CCER2: variants seen among roughly 807,000 people sequenced by gnomAD.
CCER2 encodes the protein coiled-coil domain-containing glutamate-rich protein 2.
Under a neutral mutation model 27.1 loss-of-function variants are expected in CCER2, and 20 were observed. That is an observed-to-expected ratio of 0.74 (90% CI 0.52 to 1.07). The LOEUF (loss-of-function observed/expected upper bound fraction) is 1.07, where lower values mean the gene tolerates loss of function less well. Among genes scored for constraint, CCER2 ranks in the 50% least tolerant of loss-of-function variants. The probability of loss-of-function intolerance (pLI) is 0.00; values close to 1 mark genes in which losing one functional copy is unlikely to be tolerated. For missense variants in CCER2, 351 were observed against 344.7 expected (o/e 1.02, Z -0.14); for synonymous variants, 140 against 144.3 (o/e 0.97, Z 0.21).
chr19:38,910,483 C>T (rs1464985195), intron 4 of CCER2, 80 bp downstream of exon 4: 1 of 1,422,378 alleles, frequency 7.0e-7, no homozygotes, highest in South Asian at 1.5e-5. Context: ...ACACCGGTGG[C>T]TGTGAGTTGT....
intron 3 of CCER2, among the ~76,000 whole-genome samples, chr19:38,911,360 A>G (rs754672799): frequency 2.6e-5 from 4 of 152,152 alleles, no homozygotes; most frequent in African/African-American, 4.8e-5. Flanking sequence ...GGGAACCACA[A>G]GGGTGTTGCT....
In CCER2 at chr19:38,909,209, A is replaced by G. The variant is rs1267989272; in HGVS notation, c.*27T>C. The stretch of plus-strand genomic sequence containing the variant: ...ACAGTCCTAAGCCACAGGGTGTGTC[A>G]GGAGGAAGGAGGGACTGAGGTAGGG... On this transcript the variant is annotated 3_prime_UTR_variant, in exon 5 of 5. Transcript: ENST00000571838. 1 of 1,532,850 alleles carries G rather than the reference A, an allele frequency of 6.5e-7. No homozygotes were observed. The highest frequency in any genetic ancestry group is 2.4e-5 in the East Asian group (1 of 40,888). 95.0% of individuals were successfully genotyped at this position (1,532,850 alleles called of 1,614,324 possible).
Position 38,910,698 on chromosome 19 carries a change from G to A in CCER2, c.576C>T (p.Gly192=), listed in dbSNP as rs1011640929. ...QAEEKGVRVL[G]GDRSLWQGAE... ...CCCCCTGCCACAGGCTGCGGTCCCC[G>A]CCCAGCACCCGCACCCCCTTCTCCT... The change falls in exon 4 of 5, where the codon GGC becomes GGT. Residue 192 remains glycine, a synonymous_variant. Coordinates refer to ENST00000571838, the MANE Select transcript of CCER2 (RefSeq NM_001243212.2). The A allele has an allele frequency of 1.5e-5, 23 of 1,532,816 alleles. No individual in the cohort carries two copies. The highest frequency in any genetic ancestry group is 3.6e-5 in the South Asian group (3 of 83,612). The allele number at this position is 1,532,816 out of a possible 1,614,324, so 95.0% of individuals were successfully genotyped here.
At position 38,912,082 on chromosome 19, in the gene CCER2, C is replaced by T. The variant is rs1348531429; in HGVS notation, c.61+16G>A. 6.6e-7 allele frequency: 1 copy of T among 1,525,408 alleles called. No homozygotes were observed. The highest frequency in any genetic ancestry group is 2.0e-5 in the Admixed American group (1 of 49,640). 94.5% of individuals were successfully genotyped at this position (1,525,408 alleles called of 1,614,324 possible). On this transcript the variant is annotated intron_variant, in intron 1 of 4. Coordinates refer to ENST00000571838, the MANE Select transcript of CCER2 (RefSeq NM_001243212.2). ...GGCCCCTGGCAGGTCCCGCACTCGG[C>T]AGGTCCCGCACTCACCCGCCCCCAG... is the stretch of plus-strand genomic sequence containing the variant.
intron 4 of CCER2, among the ~76,000 whole-genome samples, chr19:38,909,981 C>T (rs907985455): frequency 1.3e-5 from 2 of 151,930 alleles, no homozygotes; most frequent in Non-Finnish European, 2.9e-5. Context: ...CAAGCAATCC[C>T]ACCACCTCAG....
At position 38,909,180 on chromosome 19, in the gene CCER2, GTCAA is replaced by G. The variant is rs1386472454; in HGVS notation, c.*52_*55del. The G allele has an allele frequency of 6.7e-7, 1 of 1,498,502 alleles. No homozygotes were observed. Among genetic ancestry groups the G allele is most frequent in the East Asian group, 2.5e-5 (1 of 40,632 alleles). The allele number at this position is 1,498,502 out of a possible 1,614,324, so 92.8% of individuals were successfully genotyped here. A position where few individuals can be genotyped will look rare whatever the true frequency, so the allele number is the denominator to read the frequency against. ...TGCTAGGTGAGGTGGAGGCTTCGGG[GTCAA>G]CAGTCCTAAGCCACAGGGTGTGTCA... On this transcript the variant is annotated 3_prime_UTR_variant, in exon 5 of 5. Transcript: ENST00000571838.
rs990697919 is a variant in CCER2, at chr19:38,911,515, G to A, written c.190+51C>T. ...TGGGCAGGACCCTGGGTGGGGTAGGGTAGGGTCCCATGGGGTTGTGGAGGG... is the reference window on the plus strand; with the variant it reads ...TGGGCAGGACCCTGGGTGGGGTAGGATAGGGTCCCATGGGGTTGTGGAGGG... On this transcript the variant is annotated intron_variant, in intron 3 of 4. Transcript: ENST00000571838. 51 of 1,465,016 alleles carry A rather than the reference G, an allele frequency of 3.5e-5. 1 individual carries two copies. In the Middle Eastern group the frequency reaches 1.2e-3, roughly 35 times the overall value. The allele number at this position is 1,465,016 out of a possible 1,614,324, so 90.8% of individuals were successfully genotyped here.
At position 38,911,864 on chromosome 19, in the gene CCER2, G is replaced by C. The variant is rs1471073710; in HGVS notation, c.62-12C>G. 6.5e-6 allele frequency: 10 copies of C among 1,534,730 alleles called. No individual in the cohort carries two copies. The highest frequency in any genetic ancestry group is 8.7e-6 in the Non-Finnish European group (10 of 1,146,646). ...GGGAGCAGCGGTGGCTGTGGAGAAA[G>C]GAGATGGCACTGGGCTTTGCCGCCC... On this transcript the variant is annotated splice_polypyrimidine_tract_variant and intron_variant, in intron 1 of 4. Transcript: ENST00000571838.
At chr19:38,910,362 C>G (rs990329619) in intron 4 of CCER2, among the ~76,000 whole-genome samples, 2 of 152,190 alleles carry the variant, frequency 1.3e-5, no homozygotes, top group African/African-American at 4.8e-5. Context: ...GTAGTCCATA[C>G]AGTAGTGTGG....
intron 4 of CCER2, among the ~76,000 whole-genome samples, chr19:38,909,604 G>A (rs1389584761): frequency 1.3e-5 from 2 of 152,106 alleles, no homozygotes; most frequent in East Asian, 1.9e-4. Context: ...ATGGAGTCTC[G>A]CTCTGTCACC....
At chr19:38,911,266 G>T (rs866617199) in intron 3 of CCER2, among the ~76,000 whole-genome samples, 183 bp from the exon 4 acceptor site, 2 of 152,238 alleles carry the variant, frequency 1.3e-5, no homozygotes, top group Non-Finnish European at 2.9e-5. Context: ...GGTCTCACAG[G>T]GGGGCTGCCC....
At chr19:38,909,641 C>T (rs544046148) in intron 4 of CCER2, among the ~76,000 whole-genome samples, 2 of 152,184 alleles carry the variant, frequency 1.3e-5, no homozygotes, top group East Asian at 1.9e-4. Flanking sequence ...GGCACGATCT[C>T]GGCTCACTGT....
At chr19:38,909,850 AG>A (rs1974268038) in intron 4 of CCER2, among the ~76,000 whole-genome samples, 1 of 149,670 alleles carries the variant, frequency 6.7e-6, no homozygotes, top group African/African-American at 2.5e-5. Flanking sequence ...CTGGGATTAC[AG>A]GCACGAACCA....
chr19:38,911,666 G>C lies in CCER2; in HGVS notation c.103-13C>G, dbSNP rs1255173158. 4 of 1,535,360 alleles carry C rather than the reference G, an allele frequency of 2.6e-6. No individual in the cohort carries two copies. The African/African-American group carries it at 5.5e-5, about 21-fold the overall frequency. On this transcript the variant is annotated splice_polypyrimidine_tract_variant and intron_variant, in intron 2 of 4. Transcript: ENST00000571838. The stretch of plus-strand genomic sequence containing the variant: ...GACAGCGGGTCAGCTGGGGGGCAGG[G>C]GTGCCGGGTCAGAGGGGAGGTTGAG...
At position 38,910,705 on chromosome 19, in the gene CCER2, A is replaced by G; in HGVS notation, c.569T>C (p.Val190Ala). 6.5e-7 allele frequency: 1 copy of G among 1,532,314 alleles called. No individual in the cohort carries two copies. Among genetic ancestry groups the G allele is most frequent in the South Asian group, 1.2e-5 (1 of 83,596 alleles). The allele number at this position is 1,532,314 out of a possible 1,614,324, so 94.9% of individuals were successfully genotyped here. A position where few individuals can be genotyped will look rare whatever the true frequency, so the allele number is the denominator to read the frequency against. Residue 190 changes from valine (V) to alanine (A), a missense_variant, in exon 4 of 5, where the codon GTG becomes GCG. Physicochemically the swap from Val to Ala is moderately conservative, Grantham distance 64 (BLOSUM62 0). Transcript: ENST00000571838. ...QFQAEEKGVR[V>A]LGGDRSLWQG... ...CCACAGGCTGCGGTCCCCGCCCAGC[A>G]CCCGCACCCCCTTCTCCTCTGCCTG...
rs76594356 is a variant in CCER2, at chr19:38,911,045, C to T, written c.229G>A (p.Glu77Lys). 1,380 of 1,466,360 alleles carry T rather than the reference C, an allele frequency of 9.4e-4. 12 individuals are homozygous for T. The African/African-American group carries it at 0.017, about 18-fold the overall frequency. The allele number at this position is 1,466,360 out of a possible 1,614,324, so 90.8% of individuals were successfully genotyped here. ...TCCCCAAGCAGCAGGCCTTTCTCCT[C>T]GGTGGACGCACAGCCGTGGGGCTCT... Reference protein sequence around the residue: ...GTEPHGCASTEEKGLLLGDFK... With the variant: ...GTEPHGCASTKEKGLLLGDFK... Residue 77 changes from glutamate to lysine, a missense_variant, in exon 4 of 5, where the codon GAG (glutamate) becomes AAG (lysine). Physicochemically the swap from Glu to Lys is moderately conservative, Grantham distance 56. Coordinates refer to ENST00000571838, the MANE Select transcript of CCER2 (RefSeq NM_001243212.2).
In CCER2 at chr19:38,911,083, T is replaced by C; in HGVS notation, c.191A>G (p.Glu64Gly). The C allele has an allele frequency of 2.8e-6, 4 of 1,416,686 alleles. No homozygotes were observed. The highest frequency in any genetic ancestry group is 3.7e-6 in the Non-Finnish European group (4 of 1,089,062). 87.8% of individuals were successfully genotyped at this position (1,416,686 alleles called of 1,614,324 possible). ...RGPCTALLHK[E>G]LCGTEPHGCA... ...GCCGTGGGGCTCTGTCCCGCACAAC[T>C]CTGGCAGAAAGGGAAAGGACACTCT... Residue 64 changes from glutamate to glycine, a missense_variant and splice_region_variant, in exon 4 of 5, where the codon GAG (glutamate) becomes GGG (glycine). Coordinates refer to ENST00000571838, the MANE Select transcript of CCER2 (RefSeq NM_001243212.2).
intron 1 of CCER2, 34 bp downstream of exon 1, chr19:38,912,064 G>A: frequency 6.6e-7 from 1 of 1,523,260 alleles, no homozygotes; most frequent in Non-Finnish European, 8.8e-7. Context: ...CCCGGCCCCT[G>A]GCAGGTCCCG....
At chr19:38,911,927 C>A in intron 1 of CCER2, 75 bp from the exon 2 acceptor site, 1 of 1,515,494 alleles carries the variant, frequency 6.6e-7, no homozygotes, top group South Asian at 1.2e-5. Flanking sequence ...GCTCCATGGG[C>A]GTCCCGGTCC....
Sources: allele counts gnomAD v4.1 joint callset (sites outside exome capture counted in the v4.1 genomes callset), GRCh38; gene constraint gnomAD v4.1.1; transcripts MANE v1.5; gene names NCBI Gene and HGNC (gene_info 2026-07-23, HGNC 2026-07-21).